CDH18: variants seen among roughly 807,000 people sequenced by gnomAD.
CDH18 encodes the protein cadherin-18.
Under a neutral mutation model 67.9 loss-of-function variants are expected in CDH18, and 31 were observed. That is an observed-to-expected ratio of 0.46 (90% CI 0.34 to 0.62). The LOEUF (loss-of-function observed/expected upper bound fraction) is 0.62, where lower values mean the gene tolerates loss of function less well. Among genes scored for constraint, CDH18 ranks in the 20% least tolerant of loss-of-function variants. The probability of loss-of-function intolerance (pLI) is 0.01; values close to 1 mark genes in which losing one functional copy is unlikely to be tolerated. For missense variants in CDH18, 890 were observed against 975.5 expected (o/e 0.91, Z 1.17); for synonymous variants, 362 against 347.2 (o/e 1.04, Z -0.48).
intron 3 of CDH18, among the ~76,000 whole-genome samples, chr5:19,795,087 T>A (rs1305666154): frequency 1.3e-5 from 2 of 152,032 alleles, no homozygotes; most frequent in African/African-American, 4.8e-5. Context: ...GCTTACCCAT[T>A]TCAAACAGAA....
At chr5:20,438,117 T>C (rs1158745433) in intron 1 of CDH18, among the ~76,000 whole-genome samples, 3 of 151,324 alleles carry the variant, frequency 2.0e-5, no homozygotes, top group Admixed American at 6.6e-5. Context: ...GCAAGTCAAA[T>C]AGACAAAAAG....
rs1160036470 is a variant in CDH18, at chr5:20,437,765, A to G, written c.-580+137697T>C. ...CAAAGATAAGTTTTATTCATGCTCC[A>G]TGAAAAAATTAGTAGAATGAAACAA... On this transcript the variant is annotated intron_variant, in intron 1 of 14. Transcript: ENST00000507958. 4.0e-5 allele frequency among the ~76,000 whole-genome samples: 6 copies of G among 151,496 alleles called. No homozygotes were observed. The East Asian group carries it at 5.8e-4, about 15-fold the overall frequency.
chr5:20,523,547 A>G (rs75778216), intron 1 of CDH18, among the ~76,000 whole-genome samples: 92 of 152,218 alleles, frequency 6.0e-4, no homozygotes, highest in African/African-American at 2.1e-3. Flanking sequence ...AAGGATCATA[A>G]CTTATTTTTT....
chr5:20,276,452 C>A (rs1047244902), intron 1 of CDH18, among the ~76,000 whole-genome samples: 1 of 152,204 alleles, frequency 6.6e-6, no homozygotes, highest in Non-Finnish European at 1.5e-5. Flanking sequence ...AGGGAACCCA[C>A]TGTCTTGAAG....
At chr5:20,552,564 A>C (rs2126625076) in intron 1 of CDH18, among the ~76,000 whole-genome samples, 1 of 152,286 alleles carries the variant, frequency 6.6e-6, no homozygotes, top group South Asian at 2.1e-4. Flanking sequence ...ATACTGAAAA[A>C]ATAAATTATT....
At chr5:20,121,639 A>T (rs760715627) in intron 2 of CDH18, among the ~76,000 whole-genome samples, 10 of 152,150 alleles carry the variant, frequency 6.6e-5, no homozygotes, top group Non-Finnish European at 4.4e-5. Flanking sequence ...AAAAAACATG[A>T]AAAGCTATAG....
At chr5:19,569,106 T>G (rs1472160821) in intron 8 of CDH18, among the ~76,000 whole-genome samples, 6 of 152,222 alleles carry the variant, frequency 3.9e-5, no homozygotes, top group Non-Finnish European at 2.9e-5. Context: ...TGGTTATAAT[T>G]ATCAAAGTTC....
At position 19,472,560 on chromosome 5, in the gene CDH18, C is replaced by G. The variant is rs1271716785; in HGVS notation, c.*666G>C. Among the ~76,000 whole-genome samples the G allele has an allele frequency of 6.6e-6, 1 of 152,008 alleles. No homozygotes were observed. The highest frequency in any genetic ancestry group is 2.4e-5 in the African/African-American group (1 of 41,388). On this transcript the variant is annotated 3_prime_UTR_variant, in exon 13 of 13. Coordinates refer to ENST00000382275, the MANE Select transcript of CDH18 (RefSeq NM_004934.5). Reference sequence around the variant, plus strand: ...AGAGACAATAGTCTCGTGCTCAGTACAGCACACAACTGGTGCACTGAAGTT... The same window carrying G: ...AGAGACAATAGTCTCGTGCTCAGTAGAGCACACAACTGGTGCACTGAAGTT...
At chr5:20,506,693 G>C (rs1047239390) in intron 1 of CDH18, among the ~76,000 whole-genome samples, 1 of 152,224 alleles carries the variant, frequency 6.6e-6, no homozygotes, top group African/African-American at 2.4e-5. Flanking sequence ...TACTAAATGT[G>C]TAGTATTGTA....
At chr5:20,092,174 T>C (rs1402450695) in intron 2 of CDH18, among the ~76,000 whole-genome samples, 3 of 152,074 alleles carry the variant, frequency 2.0e-5, no homozygotes, top group Non-Finnish European at 4.4e-5. Context: ...AATGTTCAGG[T>C]AAAGGAAAAA....
chr5:19,784,775 A>C (rs1775516775), intron 3 of CDH18, among the ~76,000 whole-genome samples: 2 of 152,190 alleles, frequency 1.3e-5, no homozygotes, highest in African/African-American at 4.8e-5. Flanking sequence ...TAGGAGTCTG[A>C]CACCTTTTAA....
At chr5:19,912,525 A>C (rs941087492) in intron 2 of CDH18, among the ~76,000 whole-genome samples, 3 of 152,150 alleles carry the variant, frequency 2.0e-5, no homozygotes, top group Non-Finnish European at 4.4e-5. Context: ...GTGATCATCT[A>C]CTAGTTTGTC....
At chr5:20,133,715 CT>C (rs763224991) in intron 2 of CDH18, among the ~76,000 whole-genome samples, 43 of 151,902 alleles carry the variant, frequency 2.8e-4, no homozygotes, top group Non-Finnish European at 1.0e-4. Flanking sequence ...AAAGTGCCCC[CT>C]AACCTTCAAG....
chr5:20,067,132 G>A (rs1475693781), intron 2 of CDH18, among the ~76,000 whole-genome samples: 1 of 151,854 alleles, frequency 6.6e-6, no homozygotes, highest in Non-Finnish European at 1.5e-5. Flanking sequence ...TGTAGGGAAG[G>A]ATGTATGTGG....
intron 3 of CDH18, among the ~76,000 whole-genome samples, chr5:19,785,513 G>T (rs1311885316): frequency 6.7e-6 from 1 of 150,020 alleles, no homozygotes; most frequent in Non-Finnish European, 1.5e-5. Context: ...AATTAGCCAG[G>T]CATGGTGGTG....
At chr5:19,736,310 G>A (rs1204193065) in intron 4 of CDH18, among the ~76,000 whole-genome samples, 1 of 152,108 alleles carries the variant, frequency 6.6e-6, no homozygotes, top group Non-Finnish European at 1.5e-5. Context: ...GAGCCTCGGA[G>A]ATCAAGGCTG....
At chr5:20,570,217 G>A (rs145115175) in intron 1 of CDH18, among the ~76,000 whole-genome samples, 299 of 152,140 alleles carry the variant, frequency 2.0e-3, no homozygotes, top group African/African-American at 6.9e-3. Flanking sequence ...TTCTTCCATT[G>A]CAACAAATAT....
chr5:19,725,457 T>C (rs1172925537), intron 4 of CDH18, among the ~76,000 whole-genome samples: 1 of 152,144 alleles, frequency 6.6e-6, no homozygotes, highest in Non-Finnish European at 1.5e-5. Flanking sequence ...AAAAATGATA[T>C]AAAATTATTT....
At chr5:20,323,096 C>A (rs1378667739) in intron 1 of CDH18, among the ~76,000 whole-genome samples, 1 of 152,064 alleles carries the variant, frequency 6.6e-6, no homozygotes, top group African/African-American at 2.4e-5. Flanking sequence ...AGATAATTCA[C>A]ACGGTGAATG....
Sources: allele counts gnomAD v4.1 joint callset (sites outside exome capture counted in the v4.1 genomes callset), GRCh38; gene constraint gnomAD v4.1.1; transcripts MANE v1.5; gene names NCBI Gene and HGNC (gene_info 2026-07-23, HGNC 2026-07-21).